The following UGT1A9 variants were observed in gnomAD, a reference collection of about 807,000 sequenced individuals.
UGT1A9 encodes UDP glucuronosyltransferase family 1 member A9.
A neutral mutation model predicts 45.0 loss-of-function variants in UGT1A9; 35 were observed. The ratio of observed to expected loss-of-function variants is 0.78; its 90% confidence interval spans 0.59 to 1.03. UGT1A9 has a LOEUF of 1.03. Ranked by LOEUF, UGT1A9 falls within the 50% of genes least tolerant of loss-of-function variation. The pLI is 0.00. For missense variants in UGT1A9, 687 were observed against 666.6 expected, an observed-to-expected ratio of 1.03 and a Z score of -0.34; for synonymous variants, 278 against 250.6, an observed-to-expected ratio of 1.11 and a Z score of -1.03.
At chr2:233,734,338 G>T (rs2078513080) in intron 1 of UGT1A9, among the ~76,000 whole-genome samples, 1 of 152,096 alleles carries the variant, frequency 6.6e-6, no homozygotes, top group Non-Finnish European at 1.5e-5. Context: ...TTCTCTGATG[G>T]TAGTTTGTAT....
rs766438569 is a variant in UGT1A9, at chr2:233,729,630, T to G, written c.856-37404T>G. 4 of 1,613,982 alleles carry G rather than the reference T, an allele frequency of 2.5e-6. No homozygotes were observed. The South Asian group carries it at 4.4e-5, about 18-fold the overall frequency. ...TGCTGGCTAAGTACCTGTCGATTCCTACTGTGTTTTTTTTGAGGAACATTC... is the reference window on the plus strand; with the variant it reads ...TGCTGGCTAAGTACCTGTCGATTCCGACTGTGTTTTTTTTGAGGAACATTC... On this transcript the variant is annotated intron_variant, in intron 1 of 4. Transcript: ENST00000354728.
chr2:233,709,142 T>C (rs1251682483), intron 1 of UGT1A9, among the ~76,000 whole-genome samples: 1 of 152,118 alleles, frequency 6.6e-6, no homozygotes, highest in Non-Finnish European at 1.5e-5. Context: ...GGATGAGACG[T>C]GCTGATTGGT....
intron 1 of UGT1A9, among the ~76,000 whole-genome samples, chr2:233,749,509 A>G (rs912225239): frequency 2.6e-5 from 4 of 151,940 alleles, no homozygotes; most frequent in African/African-American, 7.3e-5. Context: ...GAATTAGAGA[A>G]CACTAGCAAG....
At chr2:233,693,313 A>T (rs370458841) in intron 1 of UGT1A9, 2 of 1,614,218 alleles carry the variant, frequency 1.2e-6, no homozygotes, top group East Asian at 4.5e-5. Flanking sequence ...CTGAGCGATC[A>T]TTCCTAACTG....
At chr2:233,727,532 CGT>C in intron 1 of UGT1A9, among the ~76,000 whole-genome samples, 1 of 152,260 alleles carries the variant, frequency 6.6e-6, no homozygotes, top group South Asian at 2.1e-4. Context: ...CACTACCAGG[CGT>C]GTTCCACCCG....
chr2:233,768,267 GT>G lies in UGT1A9; in HGVS notation c.1126del (p.Tyr376MetfsTer11). Reference protein sequence around the residue: ...AFITHAGSHGVYESICNGVPM... With the variant: ...AFITHAGSHGXYESICNGVPM... The stretch of plus-strand genomic sequence containing the variant: ...TATCACCCATGCTGGTTCCCATGGT[GT>G]TTATGAAAGCATATGCAATGGCGTT... On this transcript the variant is annotated frameshift_variant, in exon 4 of 5. Coordinates refer to ENST00000354728, the MANE Select transcript of UGT1A9 (RefSeq NM_021027.3). LOFTEE classifies it high-confidence loss of function. 6.2e-7 allele frequency: 1 copy of G among 1,614,160 alleles called. No homozygotes were observed. The highest frequency in any genetic ancestry group is 8.5e-7 in the Non-Finnish European group (1 of 1,180,032).
chr2:233,690,537 C>T, intron 1 of UGT1A9: 1 of 1,289,784 alleles, frequency 7.8e-7, no homozygotes, highest in Non-Finnish European at 1.0e-6. Flanking sequence ...TTCTTTCACC[C>T]CACTGGAATA....
At chr2:233,730,291 G>A (rs962328046) in intron 1 of UGT1A9, among the ~76,000 whole-genome samples, 1 of 152,200 alleles carries the variant, frequency 6.6e-6, no homozygotes, top group Non-Finnish European at 1.5e-5. Flanking sequence ...CTTCATGGTT[G>A]TGCATGTCCT....
chr2:233,672,246 T>C lies in UGT1A9; in HGVS notation c.312T>C (p.Ser104=), dbSNP rs747225870. The change falls in exon 1 of 5, where the codon AGT becomes AGC. Residue 104 remains serine, a synonymous_variant. Transcript: ENST00000354728. ...CTCAATGGAAAGCACAAGTACGAAG[T>C]ATATATTCTCTATTAATGGGTTCAT... is the stretch of plus-strand genomic sequence containing the variant. ...AHAQWKAQVR[S]IYSLLMGSYN... The C allele has an allele frequency of 1.2e-6, 2 of 1,614,214 alleles. No homozygotes were observed. The highest frequency in any genetic ancestry group is 3.3e-5 in the Admixed American group (2 of 60,022).
At chr2:233,687,010 C>T (rs1314780668) in intron 1 of UGT1A9, among the ~76,000 whole-genome samples, 2 of 152,192 alleles carry the variant, frequency 1.3e-5, no homozygotes. Flanking sequence ...CACTAGAGGA[C>T]TTTAGGAGGT....
At chr2:233,753,608 G>C (rs980639486) in intron 1 of UGT1A9, 1 of 152,136 alleles carries the variant, frequency 6.6e-6, no homozygotes, top group Non-Finnish European at 1.5e-5. Flanking sequence ...TGCCCCAAAA[G>C]GTCTTCATTT....
At chr2:233,739,594 G>T (rs1253560976) in intron 1 of UGT1A9, among the ~76,000 whole-genome samples, 1 of 152,200 alleles carries the variant, frequency 6.6e-6, no homozygotes, top group East Asian at 1.9e-4. Flanking sequence ...GGGGCCTATA[G>T]CCCCTTTGTT....
At chr2:233,673,162 A>T (rs924288300) in intron 1 of UGT1A9, among the ~76,000 whole-genome samples, 8 of 152,208 alleles carry the variant, frequency 5.3e-5, no homozygotes, top group African/African-American at 1.9e-4. Context: ...TTAAAAAAGT[A>T]CTTTAGGTAT....
rs145912061 is a variant in UGT1A9 at position 233,761,006 on chromosome 2, G to A, written c.856-6028G>A. The A allele has an allele frequency of 8.7e-6, 14 of 1,614,158 alleles. No individual in the cohort carries two copies. The highest frequency in any genetic ancestry group is 1.2e-5 in the Non-Finnish European group (14 of 1,180,024). ...ACCCTTGCCTCAGAATTCCTTCAGAGAGAGGTGACTGTCCAGGACCTATTG... is the reference window on the plus strand; with the variant it reads ...ACCCTTGCCTCAGAATTCCTTCAGAAAGAGGTGACTGTCCAGGACCTATTG... On this transcript the variant is annotated intron_variant, in intron 1 of 4. Transcript: ENST00000354728.
intron 1 of UGT1A9, chr2:233,743,331 T>G (rs1692262646): frequency 1.3e-6 from 1 of 770,826 alleles, no homozygotes; most frequent in South Asian, 1.4e-5. Context: ...CATCAACTAT[T>G]TCAGTGGAAG....
At chr2:233,714,443 C>T (rs1316145687) in intron 1 of UGT1A9, among the ~76,000 whole-genome samples, 1 of 152,048 alleles carries the variant, frequency 6.6e-6, no homozygotes, top group Non-Finnish European at 1.5e-5. Flanking sequence ...AGTTCAGTTT[C>T]CAGAGAGGGA....
At chr2:233,728,395 C>G (rs989594953) in intron 1 of UGT1A9, among the ~76,000 whole-genome samples, 1 of 152,120 alleles carries the variant, frequency 6.6e-6, no homozygotes, top group Non-Finnish European at 1.5e-5. Flanking sequence ...GTTGTCTTGC[C>G]CATGTGTGCT....
chr2:233,747,561 T>A (rs1440337169), intron 1 of UGT1A9: 2 of 1,596,952 alleles, frequency 1.3e-6, no homozygotes, highest in Non-Finnish European at 1.7e-6. Context: ...TATGGCAATT[T>A]TGAAAAATTC....
Position 233,768,582 on chromosome 2 carries a change from C to T in UGT1A9, c.1295+143C>T, listed in dbSNP as rs1179813397. On this transcript the variant is annotated intron_variant, in intron 4 of 4. Transcript: ENST00000354728. ...ATAAAAATCTGGATTTTTATTTCTT[C>T]TTTTTTTTTTTTTTTTTTTTTTGAG... 4.6e-4 allele frequency: 475 copies of T among 1,032,668 alleles called. No homozygotes were observed. In the East Asian group the frequency reaches 5.3e-3, roughly 12 times the overall value. The allele number at this position is 1,032,668 out of a possible 1,614,324, so 64.0% of individuals were successfully genotyped here.
Sources: allele counts gnomAD v4.1 joint callset (sites outside exome capture counted in the v4.1 genomes callset), GRCh38; gene constraint gnomAD v4.1.1; transcripts MANE v1.5; gene names NCBI Gene and HGNC (gene_info 2026-07-23, HGNC 2026-07-21).